Variants in VAT1 observed in about 807,000 individuals in gnomAD.
VAT1 encodes the protein vesicle amine transport 1, also known as NADPH-dependent quinone oxidoreductase VAT1.
In VAT1, 24 loss-of-function variants were observed where a neutral mutation model predicts 33.3. The ratio of observed to expected loss-of-function variants is 0.72; its 90% confidence interval spans 0.52 to 1.01. The LOEUF (loss-of-function observed/expected upper bound fraction) is 1.01, where lower values mean the gene tolerates loss of function less well. Ranked by LOEUF, VAT1 falls within the 50% of genes least tolerant of loss-of-function variation. VAT1 has a pLI of 0.00. For missense variants in VAT1, 436 were observed against 533.7 expected, an observed-to-expected ratio of 0.82 and a Z score of 1.80; for synonymous variants, 212 against 225.0, an observed-to-expected ratio of 0.94 and a Z score of 0.52.
rs761308182 is a variant in VAT1, at chr17:43,016,109, C to A, written c.1134G>T (p.Lys378Asn). Residue 378 changes from lysine (K) to asparagine (N), a missense_variant, in exon 6 of 6, where the codon AAG becomes AAT. Physicochemically the swap from Lys to Asn is moderately conservative, Grantham distance 94. Transcript: ENST00000355653. ...ADAMKQMQEK[K>N]NVGKVLLVPG... The stretch of plus-strand genomic sequence containing the variant: ...GAACCAGGAGGACCTTGCCCACATT[C>A]TTCTTCTCCTGCATCTGTTTCATGG... The A allele has an allele frequency of 1.1e-4, 181 of 1,613,994 alleles. No individual in the cohort carries two copies. Among genetic ancestry groups the A allele is most frequent in the Non-Finnish European group, 1.4e-4 (168 of 1,180,026 alleles).
At chr17:43,017,582 C>CAAAAA (rs55979457) in intron 4 of VAT1, among the ~76,000 whole-genome samples, 3 of 66,460 alleles carry the variant, frequency 4.5e-5, no homozygotes, top group Admixed American at 1.8e-4. Context: ...AACTCCATCT[C>CAAAAA]AAAAAAAAAA....
Position 43,016,016 on chromosome 17 carries a change from C to T in VAT1, c.*45G>A. 1 of 1,606,152 alleles carries T rather than the reference C, an allele frequency of 6.2e-7. No individual in the cohort carries two copies. The highest frequency in any genetic ancestry group is 8.5e-7 in the Non-Finnish European group (1 of 1,173,858). On this transcript the variant is annotated 3_prime_UTR_variant, in exon 6 of 6. Transcript: ENST00000355653. ...TGGTGGCCAACAGAACGTAGCTTCC[C>T]AACTTCTCCCTTCGCTGGTCTCTAG...
intron 1 of VAT1, among the ~76,000 whole-genome samples, chr17:43,020,767 C>G (rs930077221): frequency 6.6e-6 from 1 of 150,986 alleles, no homozygotes; most frequent in East Asian, 1.9e-4. Flanking sequence ...CCCAGCTACT[C>G]GAGAGGCTGA....
In VAT1 at chr17:43,018,617, G is replaced by T; in HGVS notation, c.570C>A (p.His190Gln). 1 of 1,613,948 alleles carries T rather than the reference G, an allele frequency of 6.2e-7. No individual in the cohort carries two copies. The highest frequency in any genetic ancestry group is 8.5e-7 in the Non-Finnish European group (1 of 1,180,030). Reference sequence around the variant, plus strand: ...CTGCAGCCATGTGTACCAAGACGCTGTGGCCAGGCTGTAGGTTGCCGAAGT... The same window carrying T: ...CTGCAGCCATGTGTACCAAGACGCTTTGGCCAGGCTGTAGGTTGCCGAAGT... ...LFDFGNLQPG[H>Q]SVLVHMAAGG... The change falls in exon 2 of 6, where the codon CAC (histidine) becomes CAA (glutamine). Residue 190 changes from histidine (H) to glutamine (Q), a missense_variant. Physicochemically the swap from His to Gln is conservative, Grantham distance 24. This residue lies in a region of VAT1 where 282 missense variants were observed against 405.4 expected (regional missense o/e 0.70). Coordinates refer to ENST00000355653, the MANE Select transcript of VAT1 (RefSeq NM_006373.4).
At chr17:43,021,074 T>C (rs1567747506) in intron 1 of VAT1, among the ~76,000 whole-genome samples, 1 of 151,922 alleles carries the variant, frequency 6.6e-6, no homozygotes, top group Non-Finnish European at 1.5e-5. Flanking sequence ...GCGCCGCACC[T>C]CTCCGTTCCA....
At position 43,018,219 on chromosome 17, in the gene VAT1, A is replaced by C. The variant is rs1421200294; in HGVS notation, c.596-13T>G. On this transcript the variant is annotated splice_polypyrimidine_tract_variant and intron_variant, in intron 2 of 5. Transcript: ENST00000355653. ...ATACCCACACCCCCTGCAGCAAGAC[A>C]CCCATAAGCAGGGGATATGGAGTTG... 1.9e-6 allele frequency: 3 copies of C among 1,600,216 alleles called. No homozygotes were observed. Among genetic ancestry groups the C allele is most frequent in the Non-Finnish European group, 2.6e-6 (3 of 1,170,740 alleles).
intron 1 of VAT1, 22 bp downstream of exon 1, chr17:43,021,914 C>T (rs2050572551): frequency 6.2e-7 from 1 of 1,609,552 alleles, no homozygotes; most frequent in Non-Finnish European, 8.5e-7. Flanking sequence ...CAGCCCTGCC[C>T]TGCCCTACGC....
At position 43,022,118 on chromosome 17, in the gene VAT1, C is replaced by T; in HGVS notation, c.205G>A (p.Ala69Thr). 1.3e-6 allele frequency: 2 copies of T among 1,565,734 alleles called. No homozygotes were observed. Among genetic ancestry groups the T allele is most frequent in the Non-Finnish European group, 1.7e-6 (2 of 1,155,892 alleles). ...YDKVKLQSRP[A>T]APPAPGPGQL... ...CCGGGCCCAGGGGCCGGGGGCGCTG[C>T]CGGCCGGCTCTGCAGCTTCACCTTG... Residue 69 changes from alanine to threonine, a missense_variant, in exon 1 of 6, where the codon GCA becomes ACA. Around this residue, in one of 2 missense-constraint regions of VAT1, gnomAD observed 154 missense variants for 128.3 expected, o/e 1.20. Coordinates refer to ENST00000355653, the MANE Select transcript of VAT1 (RefSeq NM_006373.4).
chr17:43,017,964 T>C, intron 3 of VAT1, 34 bp from the exon 4 acceptor site: 2 of 1,613,754 alleles, frequency 1.2e-6, no homozygotes, highest in Non-Finnish European at 1.7e-6. Context: ...AGAACAACAT[T>C]AGGATCCACA....
In VAT1 at chr17:43,022,101, A is replaced by G; in HGVS notation, c.222T>C (p.Pro74=). The G allele has an allele frequency of 6.3e-7, 1 of 1,578,368 alleles. No homozygotes were observed. Among genetic ancestry groups the G allele is most frequent in the Non-Finnish European group, 8.6e-7 (1 of 1,163,224 alleles). The part of the protein sequence containing the change: ...LQSRPAAPPA[P]GPGQLTLRLR... ...GACGCAGCGTCAGCTGGCCGGGCCC[A>G]GGGGCCGGGGGCGCTGCCGGCCGGC... Residue 74 remains proline, a synonymous_variant, in exon 1 of 6, where the codon CCT becomes CCC. Coordinates refer to ENST00000355653, the MANE Select transcript of VAT1 (RefSeq NM_006373.4).
chr17:43,019,237 A>G (rs1393061471), intron 1 of VAT1, among the ~76,000 whole-genome samples: 1 of 152,186 alleles, frequency 6.6e-6, no homozygotes, highest in East Asian at 1.9e-4. Flanking sequence ...ATGCATAAAA[A>G]TTACTTAATC....
chr17:43,018,327 T>A, intron 2 of VAT1, 121 bp from the exon 3 acceptor site: 1 of 1,235,012 alleles, frequency 8.1e-7, no homozygotes, highest in Non-Finnish European at 1.1e-6. Flanking sequence ...TTTAGGGCCG[T>A]GTCTAATTTC....
chr17:43,019,749 G>A (rs576855415), intron 1 of VAT1, among the ~76,000 whole-genome samples: 4 of 152,340 alleles, frequency 2.6e-5, no homozygotes, highest in Non-Finnish European at 5.9e-5. Context: ...CAGGAGAAAA[G>A]ACTTCTCTGC....
intron 1 of VAT1, among the ~76,000 whole-genome samples, chr17:43,021,643 TGTGCGC>T (rs1376852837): frequency 1.4e-5 from 2 of 147,516 alleles, no homozygotes; most frequent in African/African-American, 5.0e-5. Flanking sequence ...GTAGTGTGGT[TGTGCGC>T]ATGCGCATGG....
At chr17:43,020,874 TAAAA>T (rs57324710) in intron 1 of VAT1, among the ~76,000 whole-genome samples, 5 of 100,166 alleles carry the variant, frequency 5.0e-5, no homozygotes, top group African/African-American at 7.0e-5. Flanking sequence ...AAACTCCGTC[TAAAA>T]AAAAAAAAAA....
At position 43,016,331 on chromosome 17, in the gene VAT1, A is replaced by G. The variant is rs1424701587; in HGVS notation, c.1074T>C (p.Ile358=). The change falls in exon 5 of 6, where the codon ATT becomes ATC. Residue 358 remains isoleucine (I), a synonymous_variant. Transcript: ENST00000355653. ...CCTTCTCGAAGGGCCAGACTGAGTC[A>G]ATGTGGGGCTTGATGTGGCCCTGGT... is the stretch of plus-strand genomic sequence containing the variant. ...LYNQGHIKPH[I]DSVWPFEKVA... is the part of the protein sequence containing the mutation. 2 of 1,610,194 alleles carry G rather than the reference A, an allele frequency of 1.2e-6. No homozygotes were observed. Among genetic ancestry groups the G allele is most frequent in the East Asian group, 2.2e-5 (1 of 44,890 alleles).
In VAT1 at chr17:43,021,261, A is replaced by C. The variant is rs145822044; in HGVS notation, c.387+675T>G. Among the ~76,000 whole-genome samples, 417 of 152,374 alleles carry C rather than the reference A, an allele frequency of 2.7e-3. 1 individual carries two copies. Among genetic ancestry groups the C allele is most frequent in the African/African-American group, 9.4e-3 (391 of 41,586 alleles). On this transcript the variant is annotated intron_variant, in intron 1 of 5. Coordinates refer to ENST00000355653, the MANE Select transcript of VAT1 (RefSeq NM_006373.4). ...GAGATACTGCAGTCACGGGAGACAC[A>C]GAGCCCAAGACAAAGATCGGATGAC...
chr17:43,022,073 G>C lies in VAT1; in HGVS notation c.250C>G (p.Arg84Gly). The change falls in exon 1 of 6, where the codon CGG (arginine) becomes GGG (glycine). Residue 84 changes from arginine (R) to glycine (G), a missense_variant. Physicochemically the swap from Arg to Gly is moderately radical, Grantham distance 125 (BLOSUM62 -2). Transcript: ENST00000355653. ...PGPGQLTLRL[R>G]ACGLNFADLM... Reference sequence around the variant, plus strand: ...TCTGCGAAGTTGAGCCCGCAGGCCCGCAGACGCAGCGTCAGCTGGCCGGGC... The same window carrying C: ...TCTGCGAAGTTGAGCCCGCAGGCCCCCAGACGCAGCGTCAGCTGGCCGGGC... 2.5e-6 allele frequency: 4 copies of C among 1,598,474 alleles called. No homozygotes were observed. The highest frequency in any genetic ancestry group is 3.4e-6 in the Non-Finnish European group (4 of 1,173,996).
At chr17:43,019,974 C>T (rs552333627) in intron 1 of VAT1, among the ~76,000 whole-genome samples, 14 of 152,294 alleles carry the variant, frequency 9.2e-5, no homozygotes, top group African/African-American at 3.1e-4. Context: ...TGGGGTCTTT[C>T]CTTCCAAGTT....
Sources: allele counts gnomAD v4.1 joint callset (sites outside exome capture counted in the v4.1 genomes callset), GRCh38; gene constraint gnomAD v4.1.1; regional missense constraint gnomAD v4.1.1; transcripts MANE v1.5; gene names NCBI Gene and HGNC (gene_info 2026-07-23, HGNC 2026-07-21).